The following C16orf78 variants were observed in gnomAD, a reference collection of about 807,000 sequenced individuals.
The protein encoded by C16orf78 is uncharacterized protein C16orf78.
In C16orf78, 19 loss-of-function variants were observed where a neutral mutation model predicts 27.3. The observed-to-expected ratio is 0.70, with a 90% CI of 0.49 to 1.02. The LOEUF (loss-of-function observed/expected upper bound fraction) is 1.02. C16orf78 is among the 50% of genes least tolerant of loss of function. The pLI is 0.00. For synonymous variants in C16orf78, 130 were observed against 116.1 expected (o/e 1.12, Z -0.77); for missense variants, 339 against 337.0 (o/e 1.01, Z -0.05).
rs978349323 is a variant in C16orf78, at chr16:49,399,162, A to G, written c.682A>G (p.Thr228Ala). Residue 228 changes from threonine (T) to alanine (A), a missense_variant, in exon 5 of 5, where the codon ACC becomes GCC. Physicochemically the swap from Thr to Ala is moderately conservative, Grantham distance 58. Coordinates refer to ENST00000299191, the MANE Select transcript of C16orf78 (RefSeq NM_144602.4). ...GAGGTTATCCAAGGAGAACATTCGG[A>G]CCTTGCTCAAGTTGTGCAAGGATGC... Reference protein sequence around the residue: ...YLRLSKENIRTLLKLCKDAGM... With the variant: ...YLRLSKENIRALLKLCKDAGM... The G allele has an allele frequency of 1.2e-6, 2 of 1,614,064 alleles. No individual in the cohort carries two copies. Among genetic ancestry groups the G allele is most frequent in the African/African-American group, 2.7e-5 (2 of 74,934 alleles).
intron 3 of C16orf78, among the ~76,000 whole-genome samples, chr16:49,394,043 G>A (rs139115255): frequency 0.02 from 3,101 of 152,110 alleles, 53 homozygotes; most frequent in Middle Eastern, 0.096. Flanking sequence ...ATTGAATAGG[G>A]CAATTTCTGC....
At chr16:49,398,575 A>C (rs1023351469) in intron 4 of C16orf78, among the ~76,000 whole-genome samples, 1 of 152,200 alleles carries the variant, frequency 6.6e-6, no homozygotes, top group Non-Finnish European at 1.5e-5. Context: ...GACCTCTCTC[A>C]GTGTATGTGC....
At chr16:49,389,549 T>G (rs892061725) in intron 3 of C16orf78, among the ~76,000 whole-genome samples, 1 of 152,144 alleles carries the variant, frequency 6.6e-6, no homozygotes, top group African/African-American at 2.4e-5. Flanking sequence ...TGAGCCAAGA[T>G]TGCACCACCG....
At position 49,385,705 on chromosome 16, in the gene C16orf78, C is replaced by G. The variant is rs549925354; in HGVS notation, c.394+7112C>G. Among the ~76,000 whole-genome samples the G allele has an allele frequency of 6.2e-4, 92 of 148,148 alleles. 1 individual carries two copies. Among genetic ancestry groups the G allele is most frequent in the South Asian group, 1.3e-3 (6 of 4,658 alleles). ...CAAGCCTTATGGTAACCACAGAAAA[C>G]AAACCTGTAGCAAATAAATAAAAGG... On this transcript the variant is annotated intron_variant, in intron 3 of 4. Transcript: ENST00000299191.
chr16:49,385,460 A>C (rs1467857987), intron 3 of C16orf78, among the ~76,000 whole-genome samples: 3 of 152,230 alleles, frequency 2.0e-5, no homozygotes, highest in Non-Finnish European at 4.4e-5. Context: ...TCACGAGGTC[A>C]GGACCAGCCT....
Position 49,377,718 on chromosome 16 carries a change from C to T in C16orf78, c.151-13C>T. On this transcript the variant is annotated splice_polypyrimidine_tract_variant and intron_variant, in intron 1 of 4. Coordinates refer to ENST00000299191, the MANE Select transcript of C16orf78 (RefSeq NM_144602.4). ...AGCAGTGGCTGCAGGGCTCTCTTCC[C>T]TTGTCTTTTCAGAAGCAAAAGCCCA... 1.2e-6 allele frequency: 2 copies of T among 1,600,678 alleles called. No individual in the cohort carries two copies. The highest frequency in any genetic ancestry group is 1.7e-6 in the Non-Finnish European group (2 of 1,173,924).
At chr16:49,392,333 C>T (rs111443495) in intron 3 of C16orf78, among the ~76,000 whole-genome samples, 1 of 152,198 alleles carries the variant, frequency 6.6e-6, no homozygotes, top group Non-Finnish European at 1.5e-5. Context: ...GGATTTTTAT[C>T]AGCCATACAT....
chr16:49,377,113 C>CGA (rs1456023845), intron 1 of C16orf78, among the ~76,000 whole-genome samples: 1 of 152,198 alleles, frequency 6.6e-6, no homozygotes, highest in African/African-American at 2.4e-5. Flanking sequence ...GCCTCCCCTG[C>CGA]GAGAGCAGGA....
At chr16:49,398,991 A>G (rs1965508225) in intron 4 of C16orf78, 140 bp from the exon 5 acceptor site, 1 of 897,312 alleles carries the variant, frequency 1.1e-6, no homozygotes, top group Admixed American at 2.5e-5. Flanking sequence ...GGTCTCTATC[A>G]GCTCCATGGA....
At chr16:49,394,109 A>C (rs927998561) in intron 3 of C16orf78, among the ~76,000 whole-genome samples, 1 of 152,120 alleles carries the variant, frequency 6.6e-6, no homozygotes, top group Admixed American at 6.5e-5. Context: ...ACTAAGACAA[A>C]TGGTTTCATG....
At chr16:49,394,280 T>A (rs1285386308) in intron 3 of C16orf78, among the ~76,000 whole-genome samples, 1 of 152,050 alleles carries the variant, frequency 6.6e-6, no homozygotes, top group Non-Finnish European at 1.5e-5. Flanking sequence ...ATAATATAAA[T>A]GCGAAAATCT....
chr16:49,387,893 G>T (rs1009165337), intron 3 of C16orf78, among the ~76,000 whole-genome samples: 10 of 152,098 alleles, frequency 6.6e-5, no homozygotes, highest in Non-Finnish European at 1.3e-4. Flanking sequence ...GGGGTCAGTG[G>T]TAATATCTCC....
At position 49,388,351 on chromosome 16, in the gene C16orf78, T is replaced by C. The variant is rs376973443; in HGVS notation, c.395-8072T>C. On this transcript the variant is annotated intron_variant, in intron 3 of 4. Coordinates refer to ENST00000299191, the MANE Select transcript of C16orf78 (RefSeq NM_144602.4). Reference sequence around the variant, plus strand: ...ACTTTTTGATGTGAGTGTTCAGTGATATAAATTTCCCTCTGAACACTGCCT... The same window carrying C: ...ACTTTTTGATGTGAGTGTTCAGTGACATAAATTTCCCTCTGAACACTGCCT... Among the ~76,000 whole-genome samples the C allele has an allele frequency of 3.3e-5, 5 of 152,212 alleles. No individual in the cohort carries two copies. In the East Asian group the frequency reaches 9.6e-4, roughly 29 times the overall value.
rs367821460 is a variant in C16orf78 at position 49,377,011 on chromosome 16, A to G, written c.151-720A>G. 6.9e-4 allele frequency among the ~76,000 whole-genome samples: 105 copies of G among 152,270 alleles called. 2 individuals are homozygous for G. Among genetic ancestry groups the G allele is most frequent in the African/African-American group, 2.4e-3 (100 of 41,548 alleles). Reference sequence around the variant, plus strand: ...CACCCCTAACCCTTATAGACTAGGCAGAATGCTTCCTGGGTGGCCCACCCT... The same window carrying G: ...CACCCCTAACCCTTATAGACTAGGCGGAATGCTTCCTGGGTGGCCCACCCT... On this transcript the variant is annotated intron_variant, in intron 1 of 4. Transcript: ENST00000299191.
In C16orf78 at chr16:49,396,511, A is replaced by G; in HGVS notation, c.483A>G (p.Leu161=). 6.2e-7 allele frequency: 1 copy of G among 1,614,182 alleles called. No homozygotes were observed. Among genetic ancestry groups the G allele is most frequent in the Non-Finnish European group, 8.5e-7 (1 of 1,180,004 alleles). The change falls in exon 4 of 5, where the codon TTA becomes TTG. Residue 161 remains leucine, a synonymous_variant. Transcript: ENST00000299191. ...AAAGCATTGTCTTAGATCCCATGTT[A>G]CAGGAGGGTACCTTTAACAGCCAGA... The part of the protein sequence containing the change: ...RRQSIVLDPM[L]QEGTFNSQRA...
chr16:49,375,389 A>G (rs896755653), intron 1 of C16orf78, among the ~76,000 whole-genome samples: 2 of 152,204 alleles, frequency 1.3e-5, no homozygotes, highest in African/African-American at 4.8e-5. Flanking sequence ...AGCATAGGAG[A>G]TTCCACTTCT....
intron 3 of C16orf78, among the ~76,000 whole-genome samples, chr16:49,393,518 T>A (rs936915338): frequency 6.6e-6 from 1 of 152,126 alleles, no homozygotes; most frequent in African/African-American, 2.4e-5. Context: ...CACTTCCAAA[T>A]TACCCTTGTA....
At chr16:49,381,806 A>C (rs1041667614) in intron 3 of C16orf78, among the ~76,000 whole-genome samples, 1 of 152,086 alleles carries the variant, frequency 6.6e-6, no homozygotes, top group Admixed American at 6.6e-5. Flanking sequence ...ACACTTTTAC[A>C]CTGCTGGTGG....
At position 49,378,602 on chromosome 16, in the gene C16orf78, A is replaced by G; in HGVS notation, c.394+9A>G. The G allele has an allele frequency of 6.2e-7, 1 of 1,613,834 alleles. No homozygotes were observed. Among genetic ancestry groups the G allele is most frequent in the Non-Finnish European group, 8.5e-7 (1 of 1,179,924 alleles). ...TGGCCCCAAGAAATCTGGTAAGGGA[A>G]AAACCTTGGCCCCGGCCACCAGAAT... On this transcript the variant is annotated intron_variant, in intron 3 of 4. Transcript: ENST00000299191.
Sources: allele counts gnomAD v4.1 joint callset (sites outside exome capture counted in the v4.1 genomes callset), GRCh38; gene constraint gnomAD v4.1.1; transcripts MANE v1.5; gene names NCBI Gene and HGNC (gene_info 2026-07-23, HGNC 2026-07-21).